Variants in STK32C observed in about 807,000 individuals in gnomAD.
STK32C encodes serine/threonine-protein kinase 32C.
STK32C carries 31 observed loss-of-function variants against 56.5 expected under a neutral mutation model. The ratio of observed to expected loss-of-function variants is 0.55; its 90% CI spans 0.41 to 0.74. The LOEUF is 0.74. Ranked by LOEUF, STK32C falls within the 30% of genes least tolerant of loss-of-function variation. The pLI is 0.00. For missense variants in STK32C, 544 were observed against 676.9 expected (o/e 0.80, Z 2.18); for synonymous variants, 309 against 289.4 (o/e 1.07, Z -0.69).
At chr10:132,252,952 CG>C (rs1202061412) in intron 1 of STK32C, among the ~76,000 whole-genome samples, 1 of 152,170 alleles carries the variant, frequency 6.6e-6, no homozygotes, top group Non-Finnish European at 1.5e-5. Context: ...ACACCTCCCA[CG>C]GTGTCCGGCA....
intron 1 of STK32C, among the ~76,000 whole-genome samples, chr10:132,246,197 G>A (rs529721732): frequency 5.6e-4 from 85 of 152,358 alleles, no homozygotes; most frequent in Non-Finnish European, 7.3e-4. Context: ...TATGGGATTA[G>A]GCATGTGCTC....
upstream of STK32C, among the ~76,000 whole-genome samples, chr10:132,309,949 T>C (rs1012358149): frequency 1.3e-5 from 2 of 152,188 alleles, no homozygotes; most frequent in Non-Finnish European, 1.5e-5. Flanking sequence ...GGTAGAAAGC[T>C]GACTCTGAAG....
chr10:132,331,133 G>C (rs1475703246), intron 1 of STK32C, among the ~76,000 whole-genome samples: 1 of 148,816 alleles, frequency 6.7e-6, no homozygotes, highest in Non-Finnish European at 1.5e-5. Flanking sequence ...CCTGGGAGGC[G>C]GAGGTCGCAG....
chr10:132,292,330 C>T lies in STK32C; in HGVS notation c.262+15242G>A, dbSNP rs139389777. 5.1e-3 allele frequency among the ~76,000 whole-genome samples: 780 copies of T among 152,298 alleles called. 12 individuals carry two copies. The highest frequency in any genetic ancestry group is 0.017 in the African/African-American group (725 of 41,554). ...TCACTGCCACCAAGGGCCTGGGTAT[C>T]GGCCTCGGCCTCTCCATCCGGGCAC... On this transcript the variant is annotated intron_variant, in intron 1 of 11. Transcript: ENST00000298630.
chr10:132,313,251 G>A (rs953164721), intron 1 of STK32C, among the ~76,000 whole-genome samples: 5 of 152,138 alleles, frequency 3.3e-5, no homozygotes, highest in Non-Finnish European at 7.3e-5. Flanking sequence ...AGGCCATGCC[G>A]AGTGACGGTT....
At chr10:132,239,619 G>A (rs560020995) in intron 2 of STK32C, among the ~76,000 whole-genome samples, 166 of 152,324 alleles carry the variant, frequency 1.1e-3, no homozygotes, top group African/African-American at 3.7e-3. Flanking sequence ...CTGGAAAGTG[G>A]GGGCCATCTG....
chr10:132,220,501 T>C (rs369359976), intron 10 of STK32C, among the ~76,000 whole-genome samples: 7 of 152,184 alleles, frequency 4.6e-5, no homozygotes, highest in African/African-American at 1.2e-4. Context: ...CACGTCCACA[T>C]TGGGAACACC....
chr10:132,258,428 G>A (rs911032434), intron 1 of STK32C, among the ~76,000 whole-genome samples: 2 of 152,216 alleles, frequency 1.3e-5, no homozygotes, highest in African/African-American at 2.4e-5. Flanking sequence ...CACCCCCCAC[G>A]GGGCCCTTCC....
rs528647415 is a variant in STK32C, at chr10:132,256,971, G to A, written c.263-11016C>T. Reference sequence around the variant, plus strand: ...ACAGCAGCAGCAGCACTGGATGAGGGGGAGCGAGCCCAGTGGGATCCCAGG... The same window carrying A: ...ACAGCAGCAGCAGCACTGGATGAGGAGGAGCGAGCCCAGTGGGATCCCAGG... On this transcript the variant is annotated intron_variant, in intron 1 of 11. Transcript: ENST00000298630. Among the ~76,000 whole-genome samples, 3 of 152,332 alleles carry A rather than the reference G, an allele frequency of 2.0e-5. No individual in the cohort carries two copies. In the South Asian group the frequency reaches 6.2e-4, roughly 32 times the overall value.
intron 2 of STK32C, among the ~76,000 whole-genome samples, chr10:132,237,569 C>A (rs576807212): frequency 3.3e-5 from 5 of 152,244 alleles, no homozygotes; most frequent in Non-Finnish European, 7.3e-5. Context: ...GGTCCCCACG[C>A]AGGGTTTCTT....
intron 1 of STK32C, among the ~76,000 whole-genome samples, chr10:132,264,337 G>A (rs894393679): frequency 6.6e-6 from 1 of 152,238 alleles, no homozygotes; most frequent in African/African-American, 2.4e-5. Context: ...TGGTCATCAG[G>A]TGGCCCCATG....
chr10:132,249,183 G>C (rs1473056314), intron 1 of STK32C: 2 of 380,892 alleles, frequency 5.3e-6, no homozygotes, highest in East Asian at 7.4e-5. Flanking sequence ...ATGGGGGTCA[G>C]GGCGTGTCAG....
At chr10:132,246,002 C>T (rs1400503561) in intron 1 of STK32C, 47 bp from the exon 2 acceptor site, 1 of 1,586,350 alleles carries the variant, frequency 6.3e-7, no homozygotes, top group Non-Finnish European at 8.6e-7. Context: ...CAGCAAGGCC[C>T]CACCCCAGAG....
chr10:132,292,615 A>G (rs1467993268), intron 1 of STK32C, among the ~76,000 whole-genome samples: 1 of 152,136 alleles, frequency 6.6e-6, no homozygotes, highest in Non-Finnish European at 1.5e-5. Context: ...ATGCACTCCC[A>G]TGCTTGTGCT....
intron 1 of STK32C, among the ~76,000 whole-genome samples, chr10:132,302,190 C>A (rs542522164): frequency 6.6e-6 from 1 of 152,218 alleles, no homozygotes; most frequent in East Asian, 1.9e-4. Flanking sequence ...GGGCTTCACC[C>A]GCAGAGAATC....
rs1433354548 is a variant in STK32C, at chr10:132,307,364, C to A, written c.262+208G>T. On this transcript the variant is annotated intron_variant, in intron 1 of 11. Coordinates refer to ENST00000298630, the MANE Select transcript of STK32C (RefSeq NM_173575.4). The surrounding 1 kb of genome is among the most constrained non-coding windows in gnomAD (Gnocchi z 4.4). ...GCCCGGGCCCAGCCTGCTCCTCCTG[C>A]GGCGCCGCCACTAGAAACGGAGGAC... is the stretch of plus-strand genomic sequence containing the variant. 5 of 467,216 alleles carry A rather than the reference C, an allele frequency of 1.1e-5. No individual in the cohort carries two copies. The highest frequency in any genetic ancestry group is 6.3e-5 in the African/African-American group (3 of 47,694). 28.9% of individuals were successfully genotyped at this position (467,216 alleles called of 1,614,324 possible).
chr10:132,331,482 T>C (rs1374259976), exon 1 of STK32C: 29 of 1,612,718 alleles, frequency 1.8e-5, no homozygotes, highest in East Asian at 2.2e-5. Flanking sequence ...GCAGCCTTAC[T>C]TCTCCAAAGA....
At chr10:132,312,133 AGT>A, upstream of STK32C, among the ~76,000 whole-genome samples, 2 of 152,234 alleles carry the variant, frequency 1.3e-5, no homozygotes, top group Middle Eastern at 6.8e-3. Context: ...CAGGCTCCTG[AGT>A]AGCTCGGACC....
chr10:132,255,996 G>A lies in STK32C; in HGVS notation c.263-10041C>T, dbSNP rs989046009. On this transcript the variant is annotated intron_variant, in intron 1 of 11. Coordinates refer to ENST00000298630, the MANE Select transcript of STK32C (RefSeq NM_173575.4). This position sits in a 1 kb window ranked among gnomAD's most constrained non-coding sequence, Gnocchi z 4.6. ...CGCCCGGGTGGCTTGGCGGCTTCCC[G>A]GCATCCCTGGGCAGCTCCGGGACAG... Among the ~76,000 whole-genome samples, 10 of 152,330 alleles carry A rather than the reference G, an allele frequency of 6.6e-5. No homozygotes were observed. The highest frequency in any genetic ancestry group is 1.0e-4 in the Non-Finnish European group (7 of 68,014).
Sources: gnomAD v4.1 joint callset for allele counts (sites outside exome capture counted in the v4.1 genomes callset) on GRCh38, gnomAD v4.1.1 for gene constraint, Gnocchi (gnomAD v3.1) non-coding constraint, MANE v1.5 for transcripts, NCBI Gene and HGNC (gene_info 2026-07-23, HGNC 2026-07-21) for gene names.